The following SLC35F5 variants were observed in gnomAD, a reference collection of about 807,000 sequenced individuals.
SLC35F5 encodes the protein HCV NS5A-transactivated protein 3.
Under a neutral mutation model 68.6 loss-of-function variants are expected in SLC35F5, and 54 were observed. The observed-to-expected ratio is 0.79, with a 90% confidence interval of 0.63 to 0.99. The LOEUF is 0.99. SLC35F5 is among the 50% of genes least tolerant of loss of function. The pLI, the probability that SLC35F5 is intolerant of heterozygous loss-of-function variation, is 0.00. For synonymous variants in SLC35F5, 211 were observed against 205.2 expected (o/e 1.03, Z -0.24); for missense variants, 567 against 626.9 (o/e 0.90, Z 1.02).
chr2:113,729,319 C>T (rs946600957), intron 11 of SLC35F5, 82 bp downstream of exon 11: 5 of 678,544 alleles, frequency 7.4e-6, no homozygotes, highest in Non-Finnish European at 7.6e-6. Flanking sequence ...AAAAGGCTTC[C>T]CTATTCCCTC....
chr2:113,756,018 A>C (rs1215579758), intron 1 of SLC35F5: 8 of 1,501,934 alleles, frequency 5.3e-6, no homozygotes, highest in Non-Finnish European at 7.1e-6. Context: ...GTGGTAAAAG[A>C]AAAGGATTCT....
intron 2 of SLC35F5, 42 bp downstream of exon 2, chr2:113,755,412 G>A (rs1331007261): frequency 7.5e-6 from 12 of 1,608,004 alleles, no homozygotes; most frequent in East Asian, 2.2e-5. Flanking sequence ...GTTAGCTAAT[G>A]TTCAGTGTGA....
chr2:113,754,308 A>G (rs1676879688), intron 3 of SLC35F5, among the ~76,000 whole-genome samples: 1 of 150,788 alleles, frequency 6.6e-6, no homozygotes, highest in Non-Finnish European at 1.5e-5. Context: ...AAAAAAAGAA[A>G]AAAAAAAAAA....
intron 1 of SLC35F5, 186 bp from the exon 2 acceptor site, chr2:113,755,730 TAGAG>T: frequency 2.8e-6 from 3 of 1,076,286 alleles, no homozygotes; most frequent in Non-Finnish European, 4.2e-6. Flanking sequence ...AGATTATACT[TAGAG>T]AGATACGCGA....
intron 7 of SLC35F5, chr2:113,741,982 G>A (rs577626012): frequency 6.6e-6 from 1 of 152,008 alleles, no homozygotes; most frequent in African/African-American, 2.4e-5. Flanking sequence ...AATCTTAAAG[G>A]CTCATATTTA....
At chr2:113,704,796 C>T (rs1003527737), downstream of SLC35F5, among the ~76,000 whole-genome samples, 3 of 152,136 alleles carry the variant, frequency 2.0e-5, no homozygotes, top group African/African-American at 7.2e-5. Context: ...CCCTCCACAC[C>T]TCCCCGCAAG....
chr2:113,723,164 G>T lies in SLC35F5; in HGVS notation c.1281C>A (p.Gly427=). 1 of 1,588,890 alleles carries T rather than the reference G, an allele frequency of 6.3e-7. No individual in the cohort carries two copies. The highest frequency in any genetic ancestry group is 2.3e-5 in the East Asian group (1 of 43,870). The change falls in exon 13 of 16, where the codon GGC becomes GGA. Residue 427 remains glycine, a synonymous_variant. Transcript: ENST00000245680. ...WGCFLTSSLI[G]TLALSLTIPL... Reference sequence around the variant, plus strand: ...GTATTGTAAGGCTTAGTGCAAGTGTGCCTATCAATGATGAGGTAAGAAAGC... The same window carrying T: ...GTATTGTAAGGCTTAGTGCAAGTGTTCCTATCAATGATGAGGTAAGAAAGC...
chr2:113,736,583 A>G (rs1334629328), intron 7 of SLC35F5, among the ~76,000 whole-genome samples: 4 of 152,222 alleles, frequency 2.6e-5, no homozygotes, highest in African/African-American at 9.6e-5. Flanking sequence ...ATTAAACCAG[A>G]TGATGTGCAT....
chr2:113,728,765 A>G (rs1485764002), intron 11 of SLC35F5, among the ~76,000 whole-genome samples: 3 of 152,212 alleles, frequency 2.0e-5, no homozygotes, highest in Non-Finnish European at 4.4e-5. Flanking sequence ...TATCTTTTGA[A>G]AGATTATCTT....
At position 113,750,536 on chromosome 2, in the gene SLC35F5, G is replaced by A. The variant is rs1676692676; in HGVS notation, c.306C>T (p.Phe102=). 2 of 1,612,318 alleles carry A rather than the reference G, an allele frequency of 1.2e-6. No homozygotes were observed. Among genetic ancestry groups the A allele is most frequent in the South Asian group, 1.1e-5 (1 of 90,676 alleles). ...YVFTQYNKPF[F]STFAKTSMFV... is the part of the protein sequence containing the mutation. ...ACATAGATGTTTTTGCAAAGGTGCTGAAGAATGGTTTGTTGTACTGGGTAA... is the reference window on the plus strand; with the variant it reads ...ACATAGATGTTTTTGCAAAGGTGCTAAAGAATGGTTTGTTGTACTGGGTAA... The change falls in exon 4 of 16, where the codon TTC becomes TTT. Residue 102 remains phenylalanine, a synonymous_variant. Coordinates refer to ENST00000245680, the MANE Select transcript of SLC35F5 (RefSeq NM_025181.5).
At chr2:113,744,925 T>C (rs1246680861) in intron 5 of SLC35F5, among the ~76,000 whole-genome samples, 1 of 152,160 alleles carries the variant, frequency 6.6e-6, no homozygotes, top group African/African-American at 2.4e-5. Flanking sequence ...ATGATCTATA[T>C]TTAAGGTACA....
At chr2:113,731,482 C>T in intron 10 of SLC35F5, 102 bp downstream of exon 10, 1 of 737,548 alleles carries the variant, frequency 1.4e-6, no homozygotes. Flanking sequence ...AAAAACCCAC[C>T]CTGCTAGTGC....
rs1252599707 is a variant in SLC35F5 at position 113,707,605 on chromosome 2, G to C, written c.*7613C>G. Among the ~76,000 whole-genome samples the C allele has an allele frequency of 6.6e-6, 1 of 152,102 alleles. No individual in the cohort carries two copies. Among genetic ancestry groups the C allele is most frequent in the African/African-American group, 2.4e-5 (1 of 41,396 alleles). On this transcript the variant is annotated 3_prime_UTR_variant, in exon 16 of 16. Coordinates refer to ENST00000245680, the MANE Select transcript of SLC35F5 (RefSeq NM_025181.5). ...AACAGGGTCTCGCTCTGTCACCCAG[G>C]CTGGAGTGCAGTGGTGTGATCTCAG...
intron 13 of SLC35F5, among the ~76,000 whole-genome samples, chr2:113,720,896 T>C (rs763317166): frequency 2.0e-5 from 3 of 152,080 alleles, no homozygotes; most frequent in Non-Finnish European, 4.4e-5. Context: ...TGTCTCATAA[T>C]AAAAAACTTC....
chr2:113,716,341 C>A (rs1687182331), intron 15 of SLC35F5, among the ~76,000 whole-genome samples: 1 of 152,184 alleles, frequency 6.6e-6, no homozygotes, highest in Admixed American at 6.5e-5. Flanking sequence ...TTAAGGTTTA[C>A]TCTCCAAAAA....
intron 7 of SLC35F5, among the ~76,000 whole-genome samples, chr2:113,739,791 C>T (rs1173395053): frequency 6.6e-6 from 1 of 152,140 alleles, no homozygotes; most frequent in African/African-American, 2.4e-5. Flanking sequence ...TAACTCTTGA[C>T]TCCCCCAAAA....
intron 4 of SLC35F5, among the ~76,000 whole-genome samples, chr2:113,749,571 C>CA (rs1379254753): frequency 6.6e-6 from 1 of 152,022 alleles, no homozygotes; most frequent in Admixed American, 6.6e-5. Flanking sequence ...TTTTAACCCA[C>CA]AAAAAATAAT....
At position 113,756,417 on chromosome 2, in the gene SLC35F5, C is replaced by T. The variant is rs550544570; in HGVS notation, c.-8G>A. 2.4e-4 allele frequency: 370 copies of T among 1,549,970 alleles called. 4 individuals are homozygous for T. In the South Asian group the frequency reaches 4.1e-3, roughly 17 times the overall value. ...GCGTCGTGGCGGCACCATGAGCGGA[C>T]CGGTCAGGCCCCGCAGCCGCCCAGC... On this transcript the variant is annotated 5_prime_UTR_variant, in exon 1 of 16. Coordinates refer to ENST00000245680, the MANE Select transcript of SLC35F5 (RefSeq NM_025181.5).
rs1433468077 is a variant in SLC35F5, at chr2:113,714,319, T to C, written c.*899A>G. 6.6e-6 allele frequency: 1 copy of C among 152,048 alleles called. No individual in the cohort carries two copies. The highest frequency in any genetic ancestry group is 6.6e-5 in the Admixed American group (1 of 15,262). The allele number at this position is 152,048 out of a possible 1,614,324, so 9.4% of individuals were successfully genotyped here. A position where few individuals can be genotyped will look rare whatever the true frequency, so the allele number is the denominator to read the frequency against. On this transcript the variant is annotated 3_prime_UTR_variant, in exon 16 of 16. Transcript: ENST00000245680. The stretch of plus-strand genomic sequence containing the variant: ...CTGGCACATTCATATGTGAAAAAAA[T>C]TAGAAATCACTTGATACATCTACAA...
Sources: gnomAD v4.1 joint callset for allele counts (sites outside exome capture counted in the v4.1 genomes callset) on GRCh38, gnomAD v4.1.1 for gene constraint, MANE v1.5 for transcripts, NCBI Gene and HGNC (gene_info 2026-07-23, HGNC 2026-07-21) for gene names.